The following ASPG variants were observed in gnomAD, a reference collection of about 807,000 sequenced individuals.
ASPG encodes the protein asparaginase, also known as 60 kDa lysophospholipase.
In ASPG, 53 loss-of-function variants were observed where a neutral mutation model predicts 63.2. That is an observed-to-expected ratio of 0.84 (90% CI 0.67 to 1.05). ASPG has a LOEUF of 1.05. Ranked by LOEUF, ASPG falls within the 50% of genes least tolerant of loss-of-function variation. The pLI, the probability that ASPG is intolerant of heterozygous loss-of-function variation, is 0.00. For missense variants in ASPG, 741 were observed against 794.4 expected (o/e 0.93, Z 0.81); for synonymous variants, 370 against 355.0 (o/e 1.04, Z -0.48).
intron 1 of ASPG, 45 bp downstream of exon 1, chr14:104,085,897 C>G (rs1306393540): frequency 6.6e-7 from 1 of 1,523,588 alleles, no homozygotes; most frequent in African/African-American, 1.4e-5. Flanking sequence ...GACCTGGCCG[C>G]GACCGGGAGC....
intron 12 of ASPG, chr14:104,108,843 G>A: frequency 1.0e-6 from 1 of 985,420 alleles, no homozygotes; most frequent in Non-Finnish European, 1.2e-6. Context: ...GTCAGCTCAT[G>A]TAAGGCTGTC....
rs543959695 is a variant in ASPG, at chr14:104,103,802, G to A, written c.753+127G>A. 4.9e-5 allele frequency: 37 copies of A among 751,978 alleles called. No individual in the cohort carries two copies. In the South Asian group the frequency reaches 5.9e-4, roughly 12 times the overall value. 46.6% of individuals were successfully genotyped at this position (751,978 alleles called of 1,614,324 possible). Reference sequence around the variant, plus strand: ...GACCCCGCGTGGACCTGAGATGTCTGCAGTGTGGCCCCACCAGCCCCAGGC... The same window carrying A: ...GACCCCGCGTGGACCTGAGATGTCTACAGTGTGGCCCCACCAGCCCCAGGC... On this transcript the variant is annotated intron_variant, in intron 7 of 15. Transcript: ENST00000551177.
rs2037396968 is a variant in ASPG, at chr14:104,111,989, G to T, written c.1690G>T (p.Ala564Ser). The T allele has an allele frequency of 6.4e-7, 1 of 1,554,436 alleles. No individual in the cohort carries two copies. The highest frequency in any genetic ancestry group is 8.7e-7 in the Non-Finnish European group (1 of 1,148,678). The change falls in exon 15 of 16, where the codon GCC becomes TCC. Residue 564 changes from alanine to serine, a missense_variant. Coordinates refer to ENST00000551177, the MANE Select transcript of ASPG (RefSeq NM_001080464.3). ...CCTGGAGGGTGCGGTTGGTGCCCAG[G>T]CCCCATGCCCAGTAAGTCCCCACCC... ...QSLEGAVGAQ[A>S]PCPEVLPGV
chr14:104,088,531 C>T (rs2036281574), intron 1 of ASPG, among the ~76,000 whole-genome samples: 1 of 152,116 alleles, frequency 6.6e-6, no homozygotes, highest in South Asian at 2.1e-4. Context: ...CGGCCTGTCC[C>T]AAAGTCCCTC....
intron 1 of ASPG, among the ~76,000 whole-genome samples, chr14:104,087,229 C>T (rs76399706): frequency 0.02 from 2,959 of 148,414 alleles, 60 homozygotes; most frequent in African/African-American, 0.049. Flanking sequence ...TGCACTTCTC[C>T]TTCTGCCTGT....
chr14:104,104,597 C>G (rs2037034502), intron 8 of ASPG, 25 bp from the exon 9 acceptor site: 1 of 1,592,164 alleles, frequency 6.3e-7, no homozygotes, highest in African/African-American at 1.3e-5. Context: ...GTCGCCCTTC[C>G]TGCCCACACG....
intron 12 of ASPG, chr14:104,108,989 C>A (rs2298000): frequency 0.13 from 129,257 of 985,306 alleles, 8,669 homozygotes; most frequent in Middle Eastern, 0.14. Context: ...CCCTTGCAGA[C>A]CTCAGCTGCC....
At chr14:104,089,113 C>T (rs1048752486) in intron 1 of ASPG, among the ~76,000 whole-genome samples, 5 of 152,172 alleles carry the variant, frequency 3.3e-5, no homozygotes, top group Admixed American at 6.5e-5. Context: ...CTCTGCCTCC[C>T]GGGTTCACAC....
Position 104,093,608 on chromosome 14 carries a change from G to A in ASPG, c.303+6G>A. 1 of 1,591,030 alleles carries A rather than the reference G, an allele frequency of 6.3e-7. No homozygotes were observed. Among genetic ancestry groups the A allele is most frequent in the South Asian group, 1.1e-5 (1 of 89,102 alleles). On this transcript the variant is annotated splice_donor_region_variant and intron_variant, in intron 3 of 15. Coordinates refer to ENST00000551177, the MANE Select transcript of ASPG (RefSeq NM_001080464.3). The stretch of plus-strand genomic sequence containing the variant: ...GCCTTGCCCAGACCATCAAGGTAGT[G>A]GGGCTGGGGAATGCTGGGTGGGGCT...
In ASPG at chr14:104,109,214, C is replaced by T; in HGVS notation, c.1434-15C>T. Reference sequence around the variant, plus strand: ...CTGGCCAGGGCAGAAGGTCAGCATGCTCATTCTCACACAGGCATCCGGGTG... The same window carrying T: ...CTGGCCAGGGCAGAAGGTCAGCATGTTCATTCTCACACAGGCATCCGGGTG... On this transcript the variant is annotated splice_polypyrimidine_tract_variant and intron_variant, in intron 12 of 15. Transcript: ENST00000551177. This position sits in a 1 kb window ranked among gnomAD's most constrained non-coding sequence, Gnocchi z 4.8. 6.2e-7 allele frequency: 1 copy of T among 1,612,532 alleles called. No individual in the cohort carries two copies. Among genetic ancestry groups the T allele is most frequent in the Non-Finnish European group, 8.5e-7 (1 of 1,179,512 alleles).
chr14:104,106,945 G>A (rs2037158394), intron 11 of ASPG, 51 bp downstream of exon 11: 1 of 1,516,076 alleles, frequency 6.6e-7, no homozygotes, highest in Non-Finnish European at 8.9e-7. Flanking sequence ...CTGGCCTGGG[G>A]GCTCTGAACC....
intron 3 of ASPG, among the ~76,000 whole-genome samples, chr14:104,094,694 G>T (rs544536483): frequency 1.3e-5 from 2 of 152,220 alleles, no homozygotes; most frequent in Non-Finnish European, 2.9e-5. Context: ...CCCTCACCGG[G>T]CAAGGCGTGA....
rs1430152930 is a variant in ASPG, at chr14:104,113,369, G to C, written c.*825G>C. 3 of 152,464 alleles carry C rather than the reference G, an allele frequency of 2.0e-5. No individual in the cohort carries two copies. The highest frequency in any genetic ancestry group is 1.3e-4 in the Admixed American group (2 of 15,300). The allele number at this position is 152,464 out of a possible 1,614,324, so 9.4% of individuals were successfully genotyped here. A position where few individuals can be genotyped will look rare whatever the true frequency, so the allele number is the denominator to read the frequency against. On this transcript the variant is annotated 3_prime_UTR_variant, in exon 16 of 16. Transcript: ENST00000551177. ...GTGGGCGGGTGGGGCGGGCCCTGCT[G>C]CTGCCCGGTGGGGGTGGTGCTCCAA...
At chr14:104,097,851 TGC>T (rs2036668106) in intron 5 of ASPG, among the ~76,000 whole-genome samples, 5 of 141,794 alleles carry the variant, frequency 3.5e-5, no homozygotes, top group Admixed American at 2.1e-4. Context: ...GCGTTAGAGA[TGC>T]ATATGGAGGT....
chr14:104,108,352 G>C (rs1478210750), intron 12 of ASPG: 2 of 957,984 alleles, frequency 2.1e-6, no homozygotes, highest in African/African-American at 3.5e-5. Context: ...GTGGCGCGGA[G>C]ACGAGCTCAC....
chr14:104,097,943 CTGTGT>C (rs1566830175), intron 5 of ASPG, among the ~76,000 whole-genome samples: 33 of 110,918 alleles, frequency 3.0e-4, no homozygotes, highest in African/African-American at 7.8e-4. Flanking sequence ...TATGGAGGTT[CTGTGT>C]TAGAGATGCG....
At position 104,111,993 on chromosome 14, in the gene ASPG, C is replaced by T; in HGVS notation, c.1694C>T (p.Pro565Leu). Residue 565 changes from proline (P) to leucine (L), a missense_variant, in exon 15 of 16, where the codon CCA (proline) becomes CTA (leucine). Coordinates refer to ENST00000551177, the MANE Select transcript of ASPG (RefSeq NM_001080464.3). ...GAGGGTGCGGTTGGTGCCCAGGCCC[C>T]ATGCCCAGTAAGTCCCCACCCCAGG... ...SLEGAVGAQA[P>L]CPEVLPGV is the part of the protein sequence containing the mutation. The T allele has an allele frequency of 6.4e-7, 1 of 1,554,160 alleles. No individual in the cohort carries two copies. The highest frequency in any genetic ancestry group is 8.7e-7 in the Non-Finnish European group (1 of 1,148,538).
chr14:104,089,167 C>T (rs2140974710), intron 1 of ASPG, among the ~76,000 whole-genome samples: 1 of 152,066 alleles, frequency 6.6e-6, no homozygotes, highest in African/African-American at 2.4e-5. Context: ...ACTACAGGCG[C>T]CCGCCACCGT....
chr14:104,108,118 G>A (rs746306794), intron 12 of ASPG, among the ~76,000 whole-genome samples: 6 of 152,166 alleles, frequency 3.9e-5, no homozygotes, highest in Admixed American at 2.0e-4. Context: ...CCTCCCCAGC[G>A]GTGAAGCGGT....
Sources: allele counts gnomAD v4.1 joint callset (sites outside exome capture counted in the v4.1 genomes callset), GRCh38; gene constraint gnomAD v4.1.1; non-coding constraint Gnocchi (gnomAD v3.1); transcripts MANE v1.5; gene names NCBI Gene and HGNC (gene_info 2026-07-23, HGNC 2026-07-21).